The following AGMO variants were observed in gnomAD, a reference collection of about 807,000 sequenced individuals.
AGMO encodes glyceryl-ether monooxygenase.
Under a neutral mutation model 60.2 loss-of-function variants are expected in AGMO, and 75 were observed. The observed-to-expected ratio is 1.25, with a 90% CI of 1.03 to 1.51. The LOEUF (loss-of-function observed/expected upper bound fraction) is 1.51, where lower values mean the gene tolerates loss of function less well. Ranked by LOEUF, AGMO falls within the 40% of genes most tolerant of loss-of-function variation. The pLI is 0.00. For synonymous variants in AGMO, 261 were observed against 177.1 expected, an observed-to-expected ratio of 1.47 and a Z score of -3.76; for missense variants, 763 against 525.5, an observed-to-expected ratio of 1.45 and a Z score of -4.42.
intron 3 of AGMO, among the ~76,000 whole-genome samples, chr7:15,444,761 C>T (rs1781654971): frequency 6.6e-6 from 1 of 152,176 alleles, no homozygotes; most frequent in Non-Finnish European, 1.5e-5. Context: ...TCAATAGGCA[C>T]ATATCCAAAA....
At chr7:15,415,297 C>A (rs1780733149) in intron 5 of AGMO, among the ~76,000 whole-genome samples, 1 of 151,972 alleles carries the variant, frequency 6.6e-6, no homozygotes, top group Non-Finnish European at 1.5e-5. Context: ...GTAATCCCAG[C>A]ACTTTGGAAG....
chr7:15,389,770 G>A (rs1784062533), intron 8 of AGMO, among the ~76,000 whole-genome samples: 1 of 152,126 alleles, frequency 6.6e-6, no homozygotes, highest in Admixed American at 6.5e-5. Context: ...TCAGAAAATG[G>A]GAATGAAAAG....
chr7:15,146,288 C>T, the AGMO span, among the ~76,000 whole-genome samples: 17,684 of 151,994 alleles, frequency 0.12, 1,333 homozygotes, highest in Non-Finnish European at 0.17. Flanking sequence ...TATTCAGAAA[C>T]GGGTTTCTTA....
intron 12 of AGMO, among the ~76,000 whole-genome samples, chr7:15,219,592 T>C (rs1259537821): frequency 6.6e-6 from 1 of 152,112 alleles, no homozygotes; most frequent in Non-Finnish European, 1.5e-5. Flanking sequence ...TAAGACAAGA[T>C]AGGTGATTGA....
intron 12 of AGMO, among the ~76,000 whole-genome samples, chr7:15,281,764 T>G (rs62450286): frequency 6.6e-6 from 1 of 152,102 alleles, no homozygotes; most frequent in Non-Finnish European, 1.5e-5. Flanking sequence ...GCCTAAACTA[T>G]TCAACCCAGT....
intron 12 of AGMO, among the ~76,000 whole-genome samples, chr7:15,265,032 A>G (rs1368082165): frequency 6.6e-6 from 1 of 152,166 alleles, no homozygotes; most frequent in East Asian, 1.9e-4. Flanking sequence ...GAATAAACCT[A>G]TGTGCCCATC....
At chr7:15,121,529 T>C in the AGMO span, among the ~76,000 whole-genome samples, 1 of 152,194 alleles carries the variant, frequency 6.6e-6, no homozygotes, top group African/African-American at 2.4e-5. Context: ...TGGTATGAGA[T>C]GGTATCTCAC....
chr7:15,209,601 G>C (rs1306125557), intron 12 of AGMO, among the ~76,000 whole-genome samples: 2 of 152,182 alleles, frequency 1.3e-5, no homozygotes, highest in African/African-American at 4.8e-5. Context: ...ACGGCTTGCA[G>C]CTTGGGGGAT....
chr7:15,224,513 C>T (rs1321018368), intron 12 of AGMO, among the ~76,000 whole-genome samples: 1 of 151,936 alleles, frequency 6.6e-6, no homozygotes, highest in Non-Finnish European at 1.5e-5. Context: ...ACTGGATGTG[C>T]TGGCACCTGG....
chr7:15,132,438 T>C, the AGMO span, among the ~76,000 whole-genome samples: 41 of 152,204 alleles, frequency 2.7e-4, no homozygotes, highest in African/African-American at 9.9e-4. Context: ...TTAGGTACAA[T>C]TGTCAGTGAA....
intron 3 of AGMO, among the ~76,000 whole-genome samples, chr7:15,485,631 GA>G (rs991119236): frequency 1.3e-5 from 2 of 152,138 alleles, no homozygotes; most frequent in African/African-American, 2.4e-5. Flanking sequence ...GTTTGCGGGG[GA>G]GTCTTAGAGA....
At chr7:15,121,320 C>A in the AGMO span, among the ~76,000 whole-genome samples, 1 of 152,104 alleles carries the variant, frequency 6.6e-6, no homozygotes, top group Non-Finnish European at 1.5e-5. Flanking sequence ...GATTCATAAT[C>A]CTTTGGGTAT....
At chr7:15,438,848 T>C (rs563364890) in intron 3 of AGMO, among the ~76,000 whole-genome samples, 1 of 152,306 alleles carries the variant, frequency 6.6e-6, no homozygotes, top group African/African-American at 2.4e-5. Context: ...GTGAACTAAC[T>C]ACAATACATC....
At chr7:15,283,378 C>T (rs984745553) in intron 12 of AGMO, among the ~76,000 whole-genome samples, 1 of 151,418 alleles carries the variant, frequency 6.6e-6, no homozygotes, top group Non-Finnish European at 1.5e-5. Context: ...TCAAGATAAA[C>T]AGCTGGAAAA....
At chr7:15,191,186 T>A in the AGMO span, among the ~76,000 whole-genome samples, 2 of 152,162 alleles carry the variant, frequency 1.3e-5, no homozygotes, top group Non-Finnish European at 2.9e-5. Context: ...AAAGGACAGT[T>A]TCTTTATAGA....
chr7:15,547,044 T>C (rs533533867), intron 2 of AGMO, among the ~76,000 whole-genome samples: 11 of 152,318 alleles, frequency 7.2e-5, no homozygotes, highest in African/African-American at 1.9e-4. Context: ...AATATAACAA[T>C]TTCTCTAAAA....
intron 4 of AGMO, among the ~76,000 whole-genome samples, chr7:15,423,383 A>G (rs932760671): frequency 2.6e-5 from 4 of 152,132 alleles, no homozygotes; most frequent in Non-Finnish European, 4.4e-5. Flanking sequence ...TTGTGTTTCT[A>G]TTTAGAAAGT....
At chr7:15,431,994 A>G (rs560053719) in intron 3 of AGMO, among the ~76,000 whole-genome samples, 1 of 151,884 alleles carries the variant, frequency 6.6e-6, no homozygotes, top group South Asian at 2.1e-4. Flanking sequence ...TTCATTTCCT[A>G]ACAAAATTAT....
intron 12 of AGMO, among the ~76,000 whole-genome samples, chr7:15,293,218 T>C (rs28521798): frequency 0.032 from 4,814 of 152,196 alleles, 248 homozygotes; most frequent in African/African-American, 0.11. Flanking sequence ...TTCCAGACTC[T>C]GGCCGCTTAT....
Sources: gnomAD v4.1 joint callset for allele counts (sites outside exome capture counted in the v4.1 genomes callset) on GRCh38, gnomAD v4.1.1 for gene constraint, MANE v1.5 for transcripts, NCBI Gene and HGNC (gene_info 2026-07-23, HGNC 2026-07-21) for gene names.